The following PRKN variants were observed in gnomAD, a reference collection of about 807,000 sequenced individuals.
PRKN encodes the protein E3 ubiquitin-protein ligase parkin.
A neutral mutation model predicts 59.5 loss-of-function variants in PRKN; 56 were observed. That is an observed-to-expected ratio of 0.94 (90% CI 0.76 to 1.18). The LOEUF (loss-of-function observed/expected upper bound fraction) is 1.18. Among genes scored for constraint, PRKN ranks in the 50% most tolerant of loss-of-function variants. PRKN has a pLI of 0.00. For synonymous variants in PRKN, 250 were observed against 222.1 expected (o/e 1.13, Z -1.12); for missense variants, 657 against 596.4 (o/e 1.10, Z -1.06).
At chr6:162,466,637 T>G (rs1893115) in intron 1 of PRKN, among the ~76,000 whole-genome samples, 52,309 of 151,762 alleles carry the variant, frequency 0.34, 10,245 homozygotes, top group African/African-American at 0.53. Context: ...CATATGCCTG[T>G]GCTCAAAGGA....
intron 6 of PRKN, among the ~76,000 whole-genome samples, chr6:161,861,737 AT>A (rs1793912271): frequency 6.6e-6 from 1 of 151,762 alleles, no homozygotes; most frequent in African/African-American, 2.4e-5. Flanking sequence ...TGTTTTTTCC[AT>A]TCAACTAAGA....
chr6:162,001,596 C>A (rs984536706), intron 5 of PRKN, among the ~76,000 whole-genome samples: 8 of 151,940 alleles, frequency 5.3e-5, no homozygotes, highest in African/African-American at 1.7e-4. Context: ...TCATCTGCTA[C>A]CAATGATAGT....
chr6:161,841,347 T>C (rs1792978540), intron 6 of PRKN, among the ~76,000 whole-genome samples: 1 of 144,844 alleles, frequency 6.9e-6, no homozygotes, highest in Non-Finnish European at 1.5e-5. Flanking sequence ...TTAGGCTTTC[T>C]TTTTCCTTTT....
intron 5 of PRKN, among the ~76,000 whole-genome samples, chr6:162,000,388 A>G (rs1445305519): frequency 6.6e-6 from 1 of 151,882 alleles, no homozygotes; most frequent in Non-Finnish European, 1.5e-5. Flanking sequence ...TTTAAATTTT[A>G]ATTTCCCTAA....
chr6:161,392,368 G>C (rs920004653), intron 9 of PRKN, among the ~76,000 whole-genome samples: 1 of 151,678 alleles, frequency 6.6e-6, no homozygotes, highest in Non-Finnish European at 1.5e-5. Context: ...TGGGTGACAG[G>C]GTGAGACTCT....
intron 6 of PRKN, among the ~76,000 whole-genome samples, chr6:161,884,086 C>G (rs1010145573): frequency 1.1e-4 from 17 of 152,156 alleles, no homozygotes; most frequent in African/African-American, 4.1e-4. Flanking sequence ...TAACATGAAA[C>G]TAACTAACTT....
intron 10 of PRKN, among the ~76,000 whole-genome samples, chr6:161,381,835 G>A (rs1486271902): frequency 2.0e-5 from 3 of 152,114 alleles, no homozygotes; most frequent in Admixed American, 1.3e-4. Context: ...TTTTTAGGCC[G>A]GGCGCAGTGG....
chr6:162,307,662 T>G (rs1317777257), intron 2 of PRKN, among the ~76,000 whole-genome samples: 1 of 152,158 alleles, frequency 6.6e-6, no homozygotes, highest in Non-Finnish European at 1.5e-5. Context: ...TATTGCATGC[T>G]AATACAATGG....
At chr6:161,902,552 A>ATCTATCTATCTATCTT (rs1343265664) in intron 6 of PRKN, among the ~76,000 whole-genome samples, 1 of 121,052 alleles carries the variant, frequency 8.3e-6, no homozygotes, top group African/African-American at 3.3e-5. Flanking sequence ...CTATCTATTT[A>ATCTATCTATCTATCTT]TTTATTTATT....
intron 6 of PRKN, among the ~76,000 whole-genome samples, chr6:161,846,456 G>A (rs970108492): frequency 1.3e-5 from 2 of 152,026 alleles, no homozygotes; most frequent in East Asian, 1.9e-4. Flanking sequence ...TTCATTCAAC[G>A]CATATTTATT....
intron 2 of PRKN, among the ~76,000 whole-genome samples, chr6:162,358,327 TG>T (rs1160368435): frequency 1.3e-5 from 2 of 152,226 alleles, no homozygotes; most frequent in African/African-American, 4.8e-5. Context: ...TTACCTGGCA[TG>T]GTTCTTTTCA....
chr6:162,108,941 T>C lies in PRKN; in HGVS notation c.535-54767A>G, dbSNP rs573745667. 1.6e-4 allele frequency among the ~76,000 whole-genome samples: 25 copies of C among 152,298 alleles called. 1 individual carries two copies. In the South Asian group the frequency reaches 5.0e-3, roughly 30 times the overall value. On this transcript the variant is annotated intron_variant, in intron 4 of 11. Coordinates refer to ENST00000366898, the MANE Select transcript of PRKN (RefSeq NM_004562.3). ...GTAAGTCAGTGGTGTTAAAAAGCAA[T>C]GTTTACTGAAGTGGCGGTGTACAGC...
intron 2 of PRKN, among the ~76,000 whole-genome samples, chr6:162,431,241 T>C (rs543222592): frequency 1.4e-3 from 167 of 119,704 alleles, no homozygotes; most frequent in African/African-American, 6.6e-3. Context: ...AGTTGAGCCT[T>C]GTGGTGAATG....
At chr6:162,171,630 G>C (rs1783281326) in intron 4 of PRKN, among the ~76,000 whole-genome samples, 1 of 152,110 alleles carries the variant, frequency 6.6e-6, no homozygotes, top group South Asian at 2.1e-4. Flanking sequence ...GCACACGCCT[G>C]ACACAGGGGA....
chr6:161,492,844 T>C (rs1777611265), intron 9 of PRKN, among the ~76,000 whole-genome samples: 1 of 152,204 alleles, frequency 6.6e-6, no homozygotes. Context: ...GTGTTCCCAG[T>C]GGATCTGAGT....
intron 4 of PRKN, among the ~76,000 whole-genome samples, chr6:162,126,235 G>A (rs943291405): frequency 5.3e-5 from 8 of 152,106 alleles, no homozygotes; most frequent in African/African-American, 1.7e-4. Context: ...CATTCCCAAT[G>A]GGAAGCAGCA....
At chr6:162,085,256 T>C (rs1053985325) in intron 4 of PRKN, among the ~76,000 whole-genome samples, 1 of 151,436 alleles carries the variant, frequency 6.6e-6, no homozygotes, top group Non-Finnish European at 1.5e-5. Context: ...GATAAGGAAT[T>C]ACCCCTACCC....
At chr6:161,675,300 C>T (rs376124879) in intron 7 of PRKN, among the ~76,000 whole-genome samples, 3 of 152,048 alleles carry the variant, frequency 2.0e-5, no homozygotes, top group Non-Finnish European at 4.4e-5. Context: ...TGAAGATCAC[C>T]GACTAACTAC....
rs148671237 is a variant in PRKN at position 161,795,347 on chromosome 6, C to T, written c.735-9439G>A. 5.0e-3 allele frequency among the ~76,000 whole-genome samples: 753 copies of T among 151,524 alleles called. 6 individuals are homozygous for T. The highest frequency in any genetic ancestry group is 0.017 in the African/African-American group (700 of 41,310). ...TCCCAGGTTCAAATGATTCTCATGCCTCAGCCTCCCAAGTAGCTGGGACTA... is the reference window on the plus strand; with the variant it reads ...TCCCAGGTTCAAATGATTCTCATGCTTCAGCCTCCCAAGTAGCTGGGACTA... On this transcript the variant is annotated intron_variant, in intron 6 of 11. Transcript: ENST00000366898.
Sources: allele counts gnomAD v4.1 joint callset (sites outside exome capture counted in the v4.1 genomes callset), GRCh38; gene constraint gnomAD v4.1.1; transcripts MANE v1.5; gene names NCBI Gene and HGNC (gene_info 2026-07-23, HGNC 2026-07-21).